Variants in KCNJ4 observed in about 807,000 individuals in gnomAD.
The protein encoded by KCNJ4 is inward rectifier potassium channel 4.
KCNJ4 carries 3 observed loss-of-function variants against 25.6 expected under a neutral mutation model. The ratio of observed to expected loss-of-function variants is 0.12; its 90% confidence interval spans 0.05 to 0.30. The LOEUF is 0.30. Ranked by LOEUF, KCNJ4 falls within the 10% of genes least tolerant of loss-of-function variation. The pLI is 1.00. For synonymous variants in KCNJ4, 257 were observed against 283.9 expected, an observed-to-expected ratio of 0.91 and a Z score of 0.95; for missense variants, 286 against 666.8, an observed-to-expected ratio of 0.43 and a Z score of 6.29.
At chr22:38,446,550 C>A (rs948357422) in intron 1 of KCNJ4, among the ~76,000 whole-genome samples, 22 of 152,178 alleles carry the variant, frequency 1.4e-4, no homozygotes, top group Admixed American at 6.5e-4. Context: ...GTCTGGAAAT[C>A]AGGCCCAGCA....
In KCNJ4 at chr22:38,428,150, GT is replaced by G; in HGVS notation, c.-19del. On this transcript the variant is annotated 5_prime_UTR_variant, in exon 2 of 2. Coordinates refer to ENST00000303592, the MANE Select transcript of KCNJ4 (RefSeq NM_152868.3). ...CCGTGCATGTCCTGAAGCCGGCGTGGTCACCTGGGAAGACGCAGGGCCTGCG... is the reference window on the plus strand; with the variant it reads ...CCGTGCATGTCCTGAAGCCGGCGTGGCACCTGGGAAGACGCAGGGCCTGCG... 6.3e-7 allele frequency: 1 copy of G among 1,597,778 alleles called. No homozygotes were observed. The highest frequency in any genetic ancestry group is 1.3e-5 in the African/African-American group (1 of 74,864).
Position 38,428,037 on chromosome 22 carries a change from G to A in KCNJ4, c.96C>T (p.Phe32=), listed in dbSNP as rs868750773. Reference sequence around the variant, plus strand: ...GCTGCGACTTGTTGCTCAGGTTGGCGAAGTACACGTTGCATTGGCCGTTCT... The same window carrying A: ...GCTGCGACTTGTTGCTCAGGTTGGCAAAGTACACGTTGCATTGGCCGTTCT... ...VKKNGQCNVY[F]ANLSNKSQRY... is the part of the protein sequence containing the mutation. Residue 32 remains phenylalanine, a synonymous_variant, in exon 2 of 2, where the codon TTC becomes TTT. Coordinates refer to ENST00000303592, the MANE Select transcript of KCNJ4 (RefSeq NM_152868.3). The A allele has an allele frequency of 2.5e-6, 4 of 1,614,202 alleles. No homozygotes were observed. The highest frequency in any genetic ancestry group is 3.4e-6 in the Non-Finnish European group (4 of 1,179,988).
intron 1 of KCNJ4, among the ~76,000 whole-genome samples, chr22:38,447,840 C>T (rs947071206): frequency 6.6e-5 from 10 of 151,826 alleles, no homozygotes; most frequent in Non-Finnish European, 8.8e-5. Flanking sequence ...CTGAGGCAGG[C>T]GGATCACAAG....
intron 1 of KCNJ4, among the ~76,000 whole-genome samples, chr22:38,446,942 G>A (rs1480646321): frequency 3.6e-5 from 5 of 137,724 alleles, no homozygotes; most frequent in African/African-American, 1.4e-4. Context: ...GCAACAGAGC[G>A]AGACTCCATC....
chr22:38,440,692 AC>A (rs2089325953), intron 1 of KCNJ4, among the ~76,000 whole-genome samples: 1 of 152,152 alleles, frequency 6.6e-6, no homozygotes, highest in African/African-American at 2.4e-5. Context: ...TGGGGAGAAG[AC>A]CATGATGGTA....
intron 1 of KCNJ4, among the ~76,000 whole-genome samples, chr22:38,451,461 G>A (rs2089409890): frequency 6.6e-6 from 1 of 152,136 alleles, no homozygotes; most frequent in Non-Finnish European, 1.5e-5. Flanking sequence ...AGACTGAAAG[G>A]AGTTCTTCAA....
At position 38,449,030 on chromosome 22, in the gene KCNJ4, C is replaced by A. The variant is rs1167964238; in HGVS notation, c.-40+5950G>T. 6.6e-6 allele frequency among the ~76,000 whole-genome samples: 1 copy of A among 152,172 alleles called. No homozygotes were observed. The highest frequency in any genetic ancestry group is 1.5e-5 in the Non-Finnish European group (1 of 68,018). On this transcript the variant is annotated intron_variant, in intron 1 of 1. Coordinates refer to ENST00000303592, the MANE Select transcript of KCNJ4 (RefSeq NM_152868.3). This position sits in a 1 kb window ranked among gnomAD's most constrained non-coding sequence, Gnocchi z 5.2. ...ACCAAGGACCCCCTTTCCTGGTAGC[C>A]CCTAAGGACCTCTTGACCTGCCAAT...
chr22:38,441,933 A>G (rs1262310547), intron 1 of KCNJ4, among the ~76,000 whole-genome samples: 2 of 152,242 alleles, frequency 1.3e-5, no homozygotes, highest in South Asian at 4.1e-4. Flanking sequence ...TGTATTTTTA[A>G]GCAAAAGAAG....
At chr22:38,441,905 C>A (rs1313000279) in intron 1 of KCNJ4, among the ~76,000 whole-genome samples, 3 of 152,148 alleles carry the variant, frequency 2.0e-5, no homozygotes, top group Non-Finnish European at 2.9e-5. Context: ...CTGTGAGGAG[C>A]AATGTAGGTC....
chr22:38,429,482 C>T (rs559887987), intron 1 of KCNJ4, among the ~76,000 whole-genome samples: 1 of 152,184 alleles, frequency 6.6e-6, no homozygotes, highest in Non-Finnish European at 1.5e-5. Context: ...CCTCTCAGAG[C>T]CTCCATGTCT....
chr22:38,440,250 A>G (rs2089323447), intron 1 of KCNJ4, among the ~76,000 whole-genome samples: 1 of 151,192 alleles, frequency 6.6e-6, no homozygotes, highest in Non-Finnish European at 1.5e-5. Flanking sequence ...TCCCTAAAAC[A>G]TAAAAAGTAG....
At chr22:38,450,106 C>T (rs761366020) in intron 1 of KCNJ4, among the ~76,000 whole-genome samples, 11 of 152,260 alleles carry the variant, frequency 7.2e-5, no homozygotes, top group Non-Finnish European at 1.2e-4. Context: ...GATCAGCCCA[C>T]GTAGCGAGGG....
chr22:38,445,521 A>C (rs752327064), intron 1 of KCNJ4, among the ~76,000 whole-genome samples: 7 of 152,098 alleles, frequency 4.6e-5, no homozygotes, highest in Non-Finnish European at 8.8e-5. Flanking sequence ...TCTTGCTCCA[A>C]TGCCCAGGCT....
intron 1 of KCNJ4, among the ~76,000 whole-genome samples, chr22:38,452,409 G>A (rs1006077711): frequency 1.2e-4 from 18 of 152,092 alleles, no homozygotes; most frequent in Admixed American, 5.2e-4. Flanking sequence ...TGGAGCCCAC[G>A]TCCTGCCTCT....
intron 1 of KCNJ4, among the ~76,000 whole-genome samples, chr22:38,446,152 A>G (rs958502259): frequency 2.0e-5 from 3 of 152,202 alleles, no homozygotes; most frequent in Admixed American, 2.0e-4. Flanking sequence ...AGCCCACTTG[A>G]CTGTGAGGAG....
chr22:38,427,130 G>A lies in KCNJ4; in HGVS notation c.1003C>T (p.Arg335Cys). 2 of 1,613,076 alleles carry A rather than the reference G, an allele frequency of 1.2e-6. No homozygotes were observed. The highest frequency in any genetic ancestry group is 1.7e-6 in the Non-Finnish European group (2 of 1,180,008). Reference sequence around the variant, plus strand: ...GCCACCTCGTAGGTCTTGTGAAAACGTGAGTAGTCCACCTTGTAGTGGCTC... The same window carrying A: ...GCCACCTCGTAGGTCTTGTGAAAACATGAGTAGTCCACCTTGTAGTGGCTC... Reference protein sequence around the residue: ...EKSHYKVDYSRFHKTYEVAGT... With the variant: ...EKSHYKVDYSCFHKTYEVAGT... The change falls in exon 2 of 2, where the codon CGT becomes TGT. Residue 335 changes from arginine to cysteine, a missense_variant. Physicochemically the swap from Arg to Cys is radical, Grantham distance 180. Transcript: ENST00000303592.
rs1418431344 is a variant in KCNJ4, at chr22:38,455,064, G to T, written c.-124C>A. ...GCGCGATCCGGCGGGCGGCGTCCCG[G>T]GCGCGGAAAGGGGAGTCCCGGCGCC... On this transcript the variant is annotated 5_prime_UTR_variant, in exon 1 of 2. Transcript: ENST00000303592. 26 of 151,020 alleles carry T rather than the reference G, an allele frequency of 1.7e-4. No individual in the cohort carries two copies. The highest frequency in any genetic ancestry group is 6.3e-4 in the African/African-American group (26 of 41,432). 9.4% of individuals were successfully genotyped at this position (151,020 alleles called of 1,614,324 possible). A position where few individuals can be genotyped will look rare whatever the true frequency, so the allele number is the denominator to read the frequency against.
At chr22:38,440,079 C>G (rs1437069208) in intron 1 of KCNJ4, among the ~76,000 whole-genome samples, 4 of 144,388 alleles carry the variant, frequency 2.8e-5, no homozygotes, top group Non-Finnish European at 6.0e-5. Flanking sequence ...GCCTGGGTGA[C>G]AGAGCGAGAC....
intron 1 of KCNJ4, among the ~76,000 whole-genome samples, chr22:38,428,851 G>A (rs1022205762): frequency 2.6e-5 from 4 of 151,976 alleles, no homozygotes; most frequent in Non-Finnish European, 5.9e-5. Context: ...TTAGGAGGCC[G>A]AGATGCAAAG....
Sources: gnomAD v4.1 joint callset for allele counts (sites outside exome capture counted in the v4.1 genomes callset) on GRCh38, gnomAD v4.1.1 for gene constraint, Gnocchi (gnomAD v3.1) non-coding constraint, MANE v1.5 for transcripts, NCBI Gene and HGNC (gene_info 2026-07-23, HGNC 2026-07-21) for gene names.